The following BMPR1B variants were observed in gnomAD, a reference collection of about 807,000 sequenced individuals.
The protein encoded by BMPR1B is bone morphogenetic protein receptor type-1B.
BMPR1B carries 12 observed loss-of-function variants against 59.1 expected under a neutral mutation model. The observed-to-expected ratio is 0.20, with a 90% CI of 0.13 to 0.33. The LOEUF is 0.33. Among genes scored for constraint, BMPR1B ranks in the 10% least tolerant of loss-of-function variants. The pLI, the probability that BMPR1B is intolerant of heterozygous loss-of-function variation, is 1.00. For missense variants in BMPR1B, 550 were observed against 610.9 expected (o/e 0.90, Z 1.05); for synonymous variants, 237 against 207.3 (o/e 1.14, Z -1.23).
chr4:94,768,395 A>G (rs1180140747), intron 1 of BMPR1B, among the ~76,000 whole-genome samples: 1 of 152,058 alleles, frequency 6.6e-6, no homozygotes, highest in Non-Finnish European at 1.5e-5. Context: ...CCTCTGCTTT[A>G]TTTACCACAA....
intron 2 of BMPR1B, among the ~76,000 whole-genome samples, chr4:94,911,878 A>C (rs972581359): frequency 1.3e-5 from 2 of 152,142 alleles, no homozygotes; most frequent in Admixed American, 1.3e-4. Context: ...TCTATAGCAG[A>C]TATATCTCCA....
chr4:94,798,783 A>G (rs1723287996), intron 1 of BMPR1B, among the ~76,000 whole-genome samples: 1 of 151,966 alleles, frequency 6.6e-6, no homozygotes, highest in Admixed American at 6.6e-5. Context: ...TTACCCCTTG[A>G]GTCTTCAGGA....
intron 1 of BMPR1B, among the ~76,000 whole-genome samples, chr4:94,829,657 T>C (rs757236463): frequency 1.2e-4 from 18 of 152,148 alleles, no homozygotes; most frequent in Non-Finnish European, 2.5e-4. Context: ...AGCACAGTGC[T>C]GATCCTCACA....
chr4:94,957,043 A>G (rs1730167107), intron 2 of BMPR1B, among the ~76,000 whole-genome samples: 1 of 152,204 alleles, frequency 6.6e-6, no homozygotes, highest in African/African-American at 2.4e-5. Flanking sequence ...AATGACTGTT[A>G]CTGGTTTATT....
intron 3 of BMPR1B, among the ~76,000 whole-genome samples, chr4:95,038,025 T>C (rs1370939192): frequency 1.3e-5 from 2 of 151,912 alleles, no homozygotes; most frequent in African/African-American, 4.8e-5. Context: ...GATAAAGCAG[T>C]GTAAGGAGGA....
chr4:94,818,109 A>G, intron 1 of BMPR1B, among the ~76,000 whole-genome samples: 1 of 152,200 alleles, frequency 6.6e-6, no homozygotes, highest in Middle Eastern at 3.2e-3. Context: ...TTCAGTAATA[A>G]AAAAGCACTG....
At chr4:94,888,261 A>C (rs1727258846) in intron 2 of BMPR1B, among the ~76,000 whole-genome samples, 1 of 152,118 alleles carries the variant, frequency 6.6e-6, no homozygotes, top group Non-Finnish European at 1.5e-5. Context: ...TATCCATCCA[A>C]ATCATGACTA....
At chr4:95,045,496 C>T (rs551649521) in intron 3 of BMPR1B, among the ~76,000 whole-genome samples, 206 of 152,270 alleles carry the variant, frequency 1.4e-3, no homozygotes, top group African/African-American at 4.6e-3. Context: ...TCGAGCTTCT[C>T]GTGTTCTCTG....
At chr4:94,991,712 A>G (rs1015406755) in intron 2 of BMPR1B, among the ~76,000 whole-genome samples, 2 of 152,208 alleles carry the variant, frequency 1.3e-5, no homozygotes, top group Non-Finnish European at 2.9e-5. Flanking sequence ...ATGAAAGAAT[A>G]AAGTGGGGCT....
intron 1 of BMPR1B, among the ~76,000 whole-genome samples, chr4:94,762,970 T>G (rs1391679960): frequency 6.6e-6 from 1 of 152,086 alleles, no homozygotes; most frequent in African/African-American, 2.4e-5. Context: ...CAGCACCTTC[T>G]TAGAGTTCCC....
At chr4:95,044,894 G>A (rs915282867) in intron 3 of BMPR1B, among the ~76,000 whole-genome samples, 2 of 152,100 alleles carry the variant, frequency 1.3e-5, no homozygotes, top group African/African-American at 4.8e-5. Context: ...TCATAGTGGA[G>A]TAGTTTTTTA....
intron 3 of BMPR1B, among the ~76,000 whole-genome samples, chr4:95,102,067 TC>T (rs1730865883): frequency 1.3e-5 from 2 of 152,192 alleles, no homozygotes; most frequent in African/African-American, 4.8e-5. Flanking sequence ...TATATAGGAA[TC>T]CCATTTTACA....
At chr4:94,993,190 C>A (rs1367977150) in intron 2 of BMPR1B, among the ~76,000 whole-genome samples, 3 of 152,146 alleles carry the variant, frequency 2.0e-5, no homozygotes, top group Non-Finnish European at 4.4e-5. Flanking sequence ...CACTTGTGCC[C>A]AGCCCAGTAT....
At chr4:95,097,333 G>A (rs1730504109) in intron 3 of BMPR1B, among the ~76,000 whole-genome samples, 2 of 151,442 alleles carry the variant, frequency 1.3e-5, no homozygotes, top group Admixed American at 6.6e-5. Flanking sequence ...ATTTGATATA[G>A]TATTTATTCC....
chr4:94,879,014 ATTATAC>A (rs1726853790), intron 2 of BMPR1B, among the ~76,000 whole-genome samples: 1 of 151,920 alleles, frequency 6.6e-6, no homozygotes, highest in Non-Finnish European at 1.5e-5. Flanking sequence ...TTTTTTTATT[ATTATAC>A]TTTAAGTTTT....
chr4:94,782,584 G>A (rs1175548270), intron 1 of BMPR1B, among the ~76,000 whole-genome samples: 1 of 152,112 alleles, frequency 6.6e-6, no homozygotes, highest in African/African-American at 2.4e-5. Context: ...GGGATTACAG[G>A]TGTGAACTGT....
intron 1 of BMPR1B, among the ~76,000 whole-genome samples, chr4:94,863,148 T>C (rs552402359): frequency 6.6e-6 from 1 of 151,874 alleles, no homozygotes; most frequent in East Asian, 1.9e-4. Context: ...TGAATGCTCA[T>C]GGACATAAGG....
At chr4:94,783,961 A>G (rs11932119) in intron 1 of BMPR1B, among the ~76,000 whole-genome samples, 95,675 of 151,892 alleles carry the variant, frequency 0.63, 30,748 homozygotes, top group East Asian at 0.77. Context: ...AGTTTCTCTC[A>G]TATCGAGCTG....
intron 1 of BMPR1B, among the ~76,000 whole-genome samples, chr4:94,799,450 C>T (rs1042077496): frequency 1.5e-4 from 22 of 149,230 alleles, no homozygotes; most frequent in Middle Eastern, 3.6e-3. Context: ...ACTACAGGCA[C>T]GCGCCACCAT....
Sources: allele counts gnomAD v4.1 joint callset (sites outside exome capture counted in the v4.1 genomes callset), GRCh38; gene constraint gnomAD v4.1.1; transcripts MANE v1.5; gene names NCBI Gene and HGNC (gene_info 2026-07-23, HGNC 2026-07-21).